Variants in TENM2 observed in about 807,000 individuals in gnomAD.
TENM2 encodes teneurin transmembrane protein 2.
A neutral mutation model predicts 245.2 loss-of-function variants in TENM2; 52 were observed. The observed-to-expected ratio is 0.21, with a 90% CI of 0.17 to 0.27. The LOEUF (loss-of-function observed/expected upper bound fraction) is 0.27. TENM2 is among the 10% of genes least tolerant of loss of function. TENM2 has a pLI of 1.00. For missense variants in TENM2, 3,046 were observed against 3,666.8 expected (o/e 0.83, Z 4.37); for synonymous variants, 1,363 against 1,438.9 (o/e 0.95, Z 1.19).
rs929175028 is a variant in TENM2 at position 167,554,216 on chromosome 5, G to A, written c.502+178743G>A. 2.5e-4 allele frequency among the ~76,000 whole-genome samples: 38 copies of A among 152,140 alleles called. 2 individuals carry two copies. The highest frequency in any genetic ancestry group is 8.9e-4 in the African/African-American group (37 of 41,438). On this transcript the variant is annotated intron_variant, in intron 2 of 28. Coordinates refer to ENST00000518659, the Ensembl canonical transcript of TENM2. Reference sequence around the variant, plus strand: ...TCTAAAATAGGAGTGACCTTGTTCTGGACCAGAGCAATGGTTAAATTGAAG... The same window carrying A: ...TCTAAAATAGGAGTGACCTTGTTCTAGACCAGAGCAATGGTTAAATTGAAG...
chr5:167,681,078 C>T (rs965795008), intron 2 of TENM2, among the ~76,000 whole-genome samples: 4 of 152,140 alleles, frequency 2.6e-5, no homozygotes, highest in Non-Finnish European at 5.9e-5. Context: ...ATTACGAAGT[C>T]AACCTTCAAA....
At chr5:167,729,077 C>A (rs546183847) in intron 2 of TENM2, 2 of 152,316 alleles carry the variant, frequency 1.3e-5, no homozygotes, top group South Asian at 4.2e-4. Flanking sequence ...ACCAACACAT[C>A]CTGTTGGCCA....
chr5:167,929,059 G>GAA (rs1554148000), intron 3 of TENM2, among the ~76,000 whole-genome samples: 1 of 77,442 alleles, frequency 1.3e-5, no homozygotes, highest in Non-Finnish European at 2.6e-5. Context: ...GAAAGAAAGA[G>GAA]AGAAAGAAAG....
intron 3 of TENM2, among the ~76,000 whole-genome samples, chr5:167,902,814 A>C (rs1268379569): frequency 6.6e-6 from 1 of 152,216 alleles, no homozygotes; most frequent in Non-Finnish European, 1.5e-5. Context: ...TTTATATAAA[A>C]GGAGCAGGAC....
chr5:167,876,432 A>T (rs1280116410), intron 3 of TENM2, among the ~76,000 whole-genome samples: 1 of 152,156 alleles, frequency 6.6e-6, no homozygotes, highest in African/African-American at 2.4e-5. Flanking sequence ...AGTGGAAGGC[A>T]TTTGCCCATT....
chr5:167,911,904 C>A (rs1413921718), intron 3 of TENM2, among the ~76,000 whole-genome samples: 3 of 152,046 alleles, frequency 2.0e-5, no homozygotes, highest in Admixed American at 2.0e-4. Flanking sequence ...TGATATACAG[C>A]ATGATATTCT....
chr5:167,965,682 G>C (rs1179806505), intron 4 of TENM2: 1 of 151,928 alleles, frequency 6.6e-6, no homozygotes, highest in East Asian at 1.9e-4. Flanking sequence ...AATACTTTTT[G>C]CTTGGCACTA....
chr5:167,716,667 A>G (rs554291816), intron 2 of TENM2, among the ~76,000 whole-genome samples: 1 of 152,300 alleles, frequency 6.6e-6, no homozygotes, highest in Non-Finnish European at 1.5e-5. Flanking sequence ...CAAAAATAAA[A>G]TAGAAGACTG....
At chr5:167,809,856 G>C (rs567571868) in intron 2 of TENM2, among the ~76,000 whole-genome samples, 1 of 152,056 alleles carries the variant, frequency 6.6e-6, no homozygotes, top group African/African-American at 2.4e-5. Flanking sequence ...AAAAGAGAAA[G>C]AGAAACTAAA....
chr5:167,228,484 C>A, the TENM2 span, among the ~76,000 whole-genome samples: 5 of 151,566 alleles, frequency 3.3e-5, no homozygotes, highest in South Asian at 1.0e-3. Context: ...CTGAATTATT[C>A]TGTGATTTCT....
At chr5:168,165,817 C>T (rs933831363) in intron 13 of TENM2, 4 of 146,752 alleles carry the variant, frequency 2.7e-5, no homozygotes, top group African/African-American at 1.0e-4. Context: ...AAAAAAAAGG[C>T]TGCATGGTGT....
chr5:168,068,239 C>T (rs2152117403), intron 7 of TENM2, among the ~76,000 whole-genome samples: 1 of 152,180 alleles, frequency 6.6e-6, no homozygotes, highest in East Asian at 1.9e-4. Flanking sequence ...GGATGTTTTA[C>T]AAGAAGGACA....
intron 19 of TENM2, among the ~76,000 whole-genome samples, chr5:168,208,293 CATAAA>C (rs763848516): frequency 2.0e-5 from 3 of 152,230 alleles, no homozygotes; most frequent in South Asian, 4.1e-4. Flanking sequence ...ATTTTTTAAA[CATAAA>C]ATAATATTAT....
chr5:167,634,478 A>AT (rs35834363), intron 2 of TENM2, among the ~76,000 whole-genome samples: 85,347 of 144,034 alleles, frequency 0.59, 27,197 homozygotes, highest in Non-Finnish European at 0.75. Context: ...AACTTAACTG[A>AT]TTTTTTTTTT....
At chr5:167,091,005 A>C in the TENM2 span, among the ~76,000 whole-genome samples, 1 of 152,274 alleles carries the variant, frequency 6.6e-6, no homozygotes, top group South Asian at 2.1e-4. Flanking sequence ...TTAAGTCAGT[A>C]TTTTTTATTA....
the TENM2 span, among the ~76,000 whole-genome samples, chr5:167,065,644 T>C: frequency 1.3e-5 from 2 of 152,216 alleles, no homozygotes; most frequent in Non-Finnish European, 1.5e-5. Flanking sequence ...TGTTGATAAA[T>C]AGAAGTCCAA....
chr5:168,119,561 G>C (rs1795325303), intron 10 of TENM2, among the ~76,000 whole-genome samples: 1 of 152,194 alleles, frequency 6.6e-6, no homozygotes, highest in Non-Finnish European at 1.5e-5. Flanking sequence ...GTTGCCATTT[G>C]ATTACTTGTC....
At chr5:167,374,239 T>C (rs1484211521) in intron 1 of TENM2, among the ~76,000 whole-genome samples, 1 of 152,212 alleles carries the variant, frequency 6.6e-6, no homozygotes, top group Non-Finnish European at 1.5e-5. Context: ...ACAAAGATAC[T>C]TGCCACTATG....
intron 2 of TENM2, among the ~76,000 whole-genome samples, chr5:167,669,105 G>T (rs1271647758): frequency 6.6e-6 from 1 of 152,152 alleles, no homozygotes; most frequent in Non-Finnish European, 1.5e-5. Context: ...AAATAAAAGA[G>T]GAGGAGCATT....
Sources: allele counts gnomAD v4.1 joint callset (sites outside exome capture counted in the v4.1 genomes callset), GRCh38; gene constraint gnomAD v4.1.1; transcripts MANE v1.5; gene names NCBI Gene and HGNC (gene_info 2026-07-23, HGNC 2026-07-21).